The following ZBTB16 variants were observed in gnomAD, a reference collection of about 807,000 sequenced individuals.
The protein encoded by ZBTB16 is zinc finger and BTB domain-containing protein 16.
A neutral mutation model predicts 56.8 loss-of-function variants in ZBTB16; 8 were observed. The observed-to-expected ratio is 0.14, with a 90% CI of 0.08 to 0.25. ZBTB16 has a LOEUF of 0.25. Ranked by LOEUF, ZBTB16 falls within the 10% of genes least tolerant of loss-of-function variation. The pLI is 1.00. For synonymous variants in ZBTB16, 363 were observed against 368.5 expected (o/e 0.98, Z 0.17); for missense variants, 625 against 903.0 (o/e 0.69, Z 3.95).
chr11:114,085,863 G>A (rs924916079), intron 2 of ZBTB16, among the ~76,000 whole-genome samples: 1 of 152,160 alleles, frequency 6.6e-6, no homozygotes, highest in African/African-American at 2.4e-5. Context: ...TACCAAGCTA[G>A]CTTTCTGGAC....
In ZBTB16 at chr11:114,253,470, C is replaced by T. The variant is rs553908183; in HGVS notation, c.*2915C>T. On this transcript the variant is annotated 3_prime_UTR_variant, in exon 7 of 7. Transcript: ENST00000335953. ...CTTTGTACATGTATGTGCGTGTGCG[C>T]GTGTGCTTTGTGTGTGTGGTTGTGT... is the stretch of plus-strand genomic sequence containing the variant. Among the ~76,000 whole-genome samples the T allele has an allele frequency of 4.5e-4, 69 of 152,276 alleles. 1 individual carries two copies. The South Asian group carries it at 7.5e-3, about 16-fold the overall frequency.
intron 3 of ZBTB16, among the ~76,000 whole-genome samples, chr11:114,160,427 G>C (rs115210429): frequency 3.9e-5 from 6 of 152,028 alleles, no homozygotes; most frequent in African/African-American, 1.5e-4. Flanking sequence ...TCTCCCTGTC[G>C]TCCTCCTCTC....
At chr11:114,236,795 G>T (rs1175042035) in intron 4 of ZBTB16, among the ~76,000 whole-genome samples, 1 of 152,194 alleles carries the variant, frequency 6.6e-6, no homozygotes, top group Non-Finnish European at 1.5e-5. Flanking sequence ...GTGTGTTGGG[G>T]AATATAAAGA....
At chr11:114,183,045 T>G (rs1943284092) in intron 3 of ZBTB16, among the ~76,000 whole-genome samples, 1 of 152,180 alleles carries the variant, frequency 6.6e-6, no homozygotes, top group Non-Finnish European at 1.5e-5. Flanking sequence ...TCTGTCTCGC[T>G]CGGCTCCGCT....
rs35071911 is a variant in ZBTB16, at chr11:114,148,863, G to GGTGTGTGTGTGTGT, written c.1269-7449_1269-7436dup. ...ACAGTAGGGGCAACTGTTTTTTACT[G>GGTGTGTGTGTGTGT]GTGTGTGTGTGTGTGTGTGTGTGTG... On this transcript the variant is annotated intron_variant, in intron 2 of 6. Transcript: ENST00000335953. 4.5e-3 allele frequency among the ~76,000 whole-genome samples: 641 copies of GGTGTGTGTGTGTGT among 144,026 alleles called. 4 individuals carry two copies. Among genetic ancestry groups the GGTGTGTGTGTGTGT allele is most frequent in the African/African-American group, 0.015 (590 of 38,278 alleles). The allele number at this position is 144,026 out of a possible 152,430, so 94.5% of individuals were successfully genotyped here.
chr11:114,162,797 G>A (rs997247589), intron 3 of ZBTB16, among the ~76,000 whole-genome samples: 8 of 152,174 alleles, frequency 5.3e-5, no homozygotes, highest in Admixed American at 1.3e-4. Flanking sequence ...CCTTCGGTCC[G>A]CATGGGTGAT....
chr11:114,110,185 C>G (rs576621943), intron 2 of ZBTB16, among the ~76,000 whole-genome samples: 1 of 151,974 alleles, frequency 6.6e-6, no homozygotes, highest in South Asian at 2.1e-4. Context: ...CCACTGTGCC[C>G]CCACCCCCTT....
chr11:114,208,886 G>A (rs1943941701), intron 4 of ZBTB16, among the ~76,000 whole-genome samples: 1 of 152,214 alleles, frequency 6.6e-6, no homozygotes, highest in African/African-American at 2.4e-5. Flanking sequence ...GGTATCTTAA[G>A]GTTTTTGATT....
chr11:114,147,302 T>C (rs1942134849), intron 2 of ZBTB16, among the ~76,000 whole-genome samples: 1 of 152,134 alleles, frequency 6.6e-6, no homozygotes, highest in African/African-American at 2.4e-5. Flanking sequence ...TGGAAACATA[T>C]AAAAATGATC....
At chr11:114,116,859 A>C (rs532909797) in intron 2 of ZBTB16, among the ~76,000 whole-genome samples, 8 of 152,240 alleles carry the variant, frequency 5.3e-5, no homozygotes, top group Non-Finnish European at 1.2e-4. Context: ...GAGATACAGA[A>C]GTCCAGAAAC....
intron 2 of ZBTB16, among the ~76,000 whole-genome samples, chr11:114,146,118 T>A (rs1204868851): frequency 6.6e-6 from 1 of 152,074 alleles, no homozygotes; most frequent in Non-Finnish European, 1.5e-5. Context: ...TGAGTAGCAG[T>A]GGGGCATGAG....
At chr11:114,145,198 T>C (rs1416392108) in intron 2 of ZBTB16, among the ~76,000 whole-genome samples, 8 of 152,246 alleles carry the variant, frequency 5.3e-5, no homozygotes, top group African/African-American at 1.9e-4. Context: ...ATTGGAAACC[T>C]CATACATTGC....
At chr11:114,101,490 A>G (rs1353225842) in intron 2 of ZBTB16, among the ~76,000 whole-genome samples, 2 of 152,116 alleles carry the variant, frequency 1.3e-5, no homozygotes, top group African/African-American at 4.8e-5. Flanking sequence ...TTTTTTGTGA[A>G]GGGTTTGATA....
At chr11:114,131,897 T>A (rs1297169432) in intron 2 of ZBTB16, among the ~76,000 whole-genome samples, 4 of 151,998 alleles carry the variant, frequency 2.6e-5, no homozygotes, top group Non-Finnish European at 5.9e-5. Flanking sequence ...TTGGGGAAAA[T>A]GGGGAGATTT....
chr11:114,129,308 G>C (rs1941599135), intron 2 of ZBTB16, among the ~76,000 whole-genome samples: 1 of 152,252 alleles, frequency 6.6e-6, no homozygotes, highest in Admixed American at 6.5e-5. Context: ...CAATTACTGA[G>C]TACATTTGAT....
At position 114,250,637 on chromosome 11, in the gene ZBTB16, A is replaced by G. The variant is rs1043358358; in HGVS notation, c.*82A>G. On this transcript the variant is annotated 3_prime_UTR_variant, in exon 7 of 7. Transcript: ENST00000335953. The surrounding 1 kb of genome is among the most constrained non-coding windows in gnomAD (Gnocchi z 6.0). Reference sequence around the variant, plus strand: ...AGATGAAGGAAGGACTATGACAAATAAAAAAGGAAAAGAAAAAAAAAAACA... The same window carrying G: ...AGATGAAGGAAGGACTATGACAAATGAAAAAGGAAAAGAAAAAAAAAAACA... 1 of 1,436,874 alleles carries G rather than the reference A, an allele frequency of 7.0e-7. No individual in the cohort carries two copies. Among genetic ancestry groups the G allele is most frequent in the African/African-American group, 1.4e-5 (1 of 69,564 alleles). 89.0% of individuals were successfully genotyped at this position (1,436,874 alleles called of 1,614,324 possible).
At chr11:114,154,583 C>T (rs1942359047) in intron 2 of ZBTB16, among the ~76,000 whole-genome samples, 1 of 152,170 alleles carries the variant, frequency 6.6e-6, no homozygotes, top group Non-Finnish European at 1.5e-5. Flanking sequence ...GGACATGTCC[C>T]AGTGCCCAAC....
intron 5 of ZBTB16, 73 bp from the exon 6 acceptor site, chr11:114,247,125 G>A: frequency 6.2e-7 from 1 of 1,606,372 alleles, no homozygotes. Flanking sequence ...CTCATGCACA[G>A]AATGTGCCCT....
intron 2 of ZBTB16, among the ~76,000 whole-genome samples, chr11:114,128,468 A>G (rs1332463845): frequency 6.6e-6 from 1 of 152,168 alleles, no homozygotes; most frequent in Non-Finnish European, 1.5e-5. Flanking sequence ...TAGCTGTAGG[A>G]TCTTAGGCAA....
Sources: allele counts gnomAD v4.1 joint callset (sites outside exome capture counted in the v4.1 genomes callset), GRCh38; gene constraint gnomAD v4.1.1; non-coding constraint Gnocchi (gnomAD v3.1); transcripts MANE v1.5; gene names NCBI Gene and HGNC (gene_info 2026-07-23, HGNC 2026-07-21).